IL1RAPL2: variants seen among roughly 807,000 people sequenced by gnomAD.
IL1RAPL2 encodes the protein interleukin 1 receptor accessory protein like 2.
IL1RAPL2 carries 3 observed loss-of-function variants against 44.1 expected under a neutral mutation model. That is an observed-to-expected ratio of 0.07 (90% CI 0.03 to 0.18). IL1RAPL2 has a LOEUF of 0.18. IL1RAPL2 is among the 10% of genes least tolerant of loss of function. The pLI is 1.00. For synonymous variants in IL1RAPL2, 181 were observed against 178.8 expected (o/e 1.01, Z -0.10); for missense variants, 391 against 496.4 (o/e 0.79, Z 2.02).
At chrX:104,632,221 A>G (rs998644065) in intron 1 of IL1RAPL2, among the ~76,000 whole-genome samples, 3 of 111,692 alleles carry the variant, frequency 2.7e-5, no homozygotes, top group African/African-American at 6.5e-5. Context: ...TGGTACCAGT[A>G]CCATGCTGTT....
intron 6 of IL1RAPL2, among the ~76,000 whole-genome samples, chrX:105,685,964 G>A (rs2037969043): frequency 9.0e-6 from 1 of 111,299 alleles, no homozygotes; most frequent in South Asian, 3.8e-4. Context: ...AGGTTCATAA[G>A]TGAAGGAGAA....
intron 2 of IL1RAPL2, among the ~76,000 whole-genome samples, chrX:104,765,550 G>T (rs774451406): frequency 8.9e-6 from 1 of 111,793 alleles, no homozygotes. Flanking sequence ...ATTGTGAATG[G>T]TTAATAAGGG....
chrX:104,582,731 C>T (rs868283238), intron 1 of IL1RAPL2, among the ~76,000 whole-genome samples: 6 of 76,996 alleles, frequency 7.8e-5, no homozygotes, highest in Admixed American at 3.0e-4. Flanking sequence ...CTCTCTCTCT[C>T]CCTTCCTTCC....
intron 4 of IL1RAPL2, among the ~76,000 whole-genome samples, chrX:105,252,260 A>ATAATTCAT (rs1391304503): frequency 2.7e-5 from 3 of 111,763 alleles, no homozygotes; most frequent in African/African-American, 9.7e-5. Flanking sequence ...ACATATATCA[A>ATAATTCAT]TAATTCATTT....
intron 2 of IL1RAPL2, among the ~76,000 whole-genome samples, chrX:104,754,101 G>T (rs1161904757): frequency 2.7e-5 from 3 of 111,516 alleles, no homozygotes; most frequent in Non-Finnish European, 5.7e-5. Context: ...GTCAGCAGCA[G>T]GGCAGAGACA....
intron 2 of IL1RAPL2, among the ~76,000 whole-genome samples, chrX:104,702,798 T>C (rs1285583383): frequency 1.8e-5 from 2 of 111,205 alleles, no homozygotes; most frequent in Non-Finnish European, 3.8e-5. Flanking sequence ...CCCTGATTTA[T>C]CATCAGAAAT....
chrX:104,715,636 C>T (rs949708843), intron 2 of IL1RAPL2, among the ~76,000 whole-genome samples: 6 of 107,250 alleles, frequency 5.6e-5, no homozygotes, highest in African/African-American at 6.8e-5. Flanking sequence ...CAACAACAGC[C>T]AAGCCACGAA....
intron 2 of IL1RAPL2, among the ~76,000 whole-genome samples, chrX:105,005,853 G>A (rs577690322): frequency 4.5e-5 from 5 of 110,637 alleles, no homozygotes; most frequent in Admixed American, 9.7e-5. Context: ...CTATAGTTTC[G>A]TTCAGAAATC....
At chrX:105,483,413 CT>C (rs2036244957) in intron 5 of IL1RAPL2, among the ~76,000 whole-genome samples, 1 of 111,239 alleles carries the variant, frequency 9.0e-6, no homozygotes, top group African/African-American at 3.3e-5. Flanking sequence ...ACTTTTGTGC[CT>C]TGGTTTATGT....
chrX:105,559,605 A>G (rs899406557), intron 6 of IL1RAPL2, among the ~76,000 whole-genome samples: 2 of 111,943 alleles, frequency 1.8e-5, no homozygotes, highest in Non-Finnish European at 3.8e-5. Context: ...CAGTATTCTT[A>G]TATTCATCTA....
chrX:104,582,656 C>CT (rs1166851253), intron 1 of IL1RAPL2, among the ~76,000 whole-genome samples: 7 of 56,750 alleles, frequency 1.2e-4, no homozygotes, highest in Admixed American at 4.4e-4. Flanking sequence ...TTCTTTCTTT[C>CT]TTTTTTTTCT....
At chrX:105,495,841 C>T (rs1291292742) in intron 6 of IL1RAPL2, among the ~76,000 whole-genome samples, 2 of 111,356 alleles carry the variant, frequency 1.8e-5, no homozygotes, top group African/African-American at 6.5e-5. Context: ...GAGTGGACTC[C>T]TCCTCTCGGC....
chrX:105,672,207 A>G (rs1289377474), intron 6 of IL1RAPL2, among the ~76,000 whole-genome samples: 2 of 111,614 alleles, frequency 1.8e-5, no homozygotes, highest in Non-Finnish European at 3.8e-5. Context: ...TATTTTTGGT[A>G]TAACTACTAG....
intron 2 of IL1RAPL2, among the ~76,000 whole-genome samples, chrX:105,078,826 C>T (rs1333094573): frequency 1.8e-5 from 2 of 112,802 alleles, no homozygotes; most frequent in East Asian, 5.6e-4. Flanking sequence ...TAGGACCCTC[C>T]AAGCCAGGTG....
intron 6 of IL1RAPL2, among the ~76,000 whole-genome samples, chrX:105,609,387 A>T (rs1173678213): frequency 9.0e-6 from 1 of 110,906 alleles, no homozygotes; most frequent in Non-Finnish European, 1.9e-5. Flanking sequence ...TACAATGGTA[A>T]ATTTTGTGTT....
chrX:105,078,717 C>T (rs1006262555), intron 2 of IL1RAPL2, among the ~76,000 whole-genome samples: 2 of 39,349 alleles, frequency 5.1e-5, no homozygotes, highest in Non-Finnish European at 8.9e-5. Flanking sequence ...TTTACCTACT[C>T]AAGCCTGAGC....
At chrX:104,829,177 GA>G (rs1018781371) in intron 2 of IL1RAPL2, among the ~76,000 whole-genome samples, 3 of 110,143 alleles carry the variant, frequency 2.7e-5, no homozygotes, top group South Asian at 3.8e-4. Flanking sequence ...ACTGGGGTAT[GA>G]AAAAAAAACT....
At chrX:104,570,582 C>T (rs1928127598) in intron 1 of IL1RAPL2, among the ~76,000 whole-genome samples, 2 of 111,923 alleles carry the variant, frequency 1.8e-5, no homozygotes. Context: ...ATGGATACAT[C>T]TGGCCAAAGC....
At chrX:104,761,631 C>G (rs941968353) in intron 2 of IL1RAPL2, among the ~76,000 whole-genome samples, 3 of 111,798 alleles carry the variant, frequency 2.7e-5, no homozygotes, top group Non-Finnish European at 5.6e-5. Context: ...CAAGGCAAGT[C>G]CCTTCCACCT....
Sources: gnomAD v4.1 joint callset for allele counts (sites outside exome capture counted in the v4.1 genomes callset) on GRCh38, gnomAD v4.1.1 for gene constraint, MANE v1.5 for transcripts, NCBI Gene and HGNC (gene_info 2026-07-23, HGNC 2026-07-21) for gene names.